Variants in GOLPH3L observed in about 807,000 individuals in gnomAD.
The protein encoded by GOLPH3L is Golgi phosphoprotein 3-like.
GOLPH3L carries 22 observed loss-of-function variants against 30.3 expected under a neutral mutation model. The observed-to-expected ratio is 0.73, with a 90% CI of 0.52 to 1.04. GOLPH3L has a LOEUF of 1.04. Among genes scored for constraint, GOLPH3L ranks in the 50% least tolerant of loss-of-function variants. The pLI, the probability that GOLPH3L is intolerant of heterozygous loss-of-function variation, is 0.00. For synonymous variants in GOLPH3L, 120 were observed against 128.2 expected (o/e 0.94, Z 0.43); for missense variants, 303 against 345.8 (o/e 0.88, Z 0.98).
intron 2 of GOLPH3L, among the ~76,000 whole-genome samples, chr1:150,683,146 A>G (rs967755702): frequency 6.6e-6 from 1 of 152,196 alleles, no homozygotes; most frequent in African/African-American, 2.4e-5. Flanking sequence ...TCATGCCTAT[A>G]GTCCCAGCAC....
chr1:150,656,749 C>T (rs1025067744), intron 4 of GOLPH3L, among the ~76,000 whole-genome samples: 17 of 152,140 alleles, frequency 1.1e-4, no homozygotes, highest in South Asian at 2.1e-4. Flanking sequence ...GTCCCTCTCA[C>T]GAAGGCACAA....
chr1:150,672,917 T>C (rs1287822550), intron 2 of GOLPH3L, among the ~76,000 whole-genome samples: 1 of 152,134 alleles, frequency 6.6e-6, no homozygotes, highest in Non-Finnish European at 1.5e-5. Context: ...TTGAATCCTT[T>C]CAGGTTTATT....
chr1:150,657,557 C>A (rs758248280), intron 4 of GOLPH3L, among the ~76,000 whole-genome samples: 1 of 152,250 alleles, frequency 6.6e-6, no homozygotes, highest in African/African-American at 2.4e-5. Flanking sequence ...CCTTTTCTCA[C>A]TTTGTCTGGG....
intron 2 of GOLPH3L, among the ~76,000 whole-genome samples, chr1:150,686,548 A>G (rs984380677): frequency 6.6e-6 from 1 of 152,210 alleles, no homozygotes; most frequent in African/African-American, 2.4e-5. Flanking sequence ...TATTGCCCAA[A>G]TGATCATTTA....
chr1:150,648,729 G>GA lies in GOLPH3L; in HGVS notation c.449dup (p.Lys151GlnfsTer26). ...CATTTCTCAGCTGGTACTGTAATTTGAAGGGGTTCCAGGTCTCACCTATGA... is the reference window on the plus strand; with the variant it reads ...CATTTCTCAGCTGGTACTGTAATTTGAAAGGGGTTCCAGGTCTCACCTATGA... On this transcript the variant is annotated frameshift_variant, in exon 5 of 5. Transcript: ENST00000271732. LOFTEE classifies it high-confidence loss of function. 1 of 1,610,376 alleles carries GA rather than the reference G, an allele frequency of 6.2e-7. No individual in the cohort carries two copies.
At chr1:150,651,669 A>G (rs1233048077) in intron 4 of GOLPH3L, among the ~76,000 whole-genome samples, 2 of 150,970 alleles carry the variant, frequency 1.3e-5, no homozygotes, top group East Asian at 1.9e-4. Context: ...AAAAAAGTAC[A>G]ACAAACAAAA....
intron 4 of GOLPH3L, among the ~76,000 whole-genome samples, chr1:150,658,798 A>C (rs957106155): frequency 6.6e-6 from 1 of 152,220 alleles, no homozygotes; most frequent in Non-Finnish European, 1.5e-5. Flanking sequence ...GTAGAGTGGC[A>C]CCTCAATCTC....
chr1:150,648,465 G>A lies in GOLPH3L; in HGVS notation c.714C>T (p.Val238=), dbSNP rs769316162. Residue 238 remains valine (V), a synonymous_variant, in exon 5 of 5, where the codon GTC becomes GTT. Coordinates refer to ENST00000271732, the MANE Select transcript of GOLPH3L (RefSeq NM_018178.6). The part of the protein sequence containing the change: ...LAHSSDVLEN[V]FSSLTDDKYD... ...ACTTGTCATCTGTCAGAGAGGAGAA[G>A]ACATTCTCTAGCACATCAGAGGAGT... is the stretch of plus-strand genomic sequence containing the variant. 2 of 1,614,062 alleles carry A rather than the reference G, an allele frequency of 1.2e-6. No homozygotes were observed. The highest frequency in any genetic ancestry group is 1.7e-6 in the Non-Finnish European group (2 of 1,179,896).
rs183291555 is a variant in GOLPH3L, at chr1:150,693,952, C to G, written c.183+704G>C. Among the ~76,000 whole-genome samples the G allele has an allele frequency of 3.1e-3, 453 of 144,522 alleles. 3 individuals are homozygous for G. Among genetic ancestry groups the G allele is most frequent in the African/African-American group, 0.011 (421 of 38,854 alleles). 94.8% of individuals were successfully genotyped at this position (144,522 alleles called of 152,430 possible). On this transcript the variant is annotated intron_variant, in intron 2 of 4. Transcript: ENST00000271732. Reference sequence around the variant, plus strand: ...TTGGCTCATTGCAACCTCCGCCTCCCAGGTTCAAGTGATTCTCCTGCCTCA... The same window carrying G: ...TTGGCTCATTGCAACCTCCGCCTCCGAGGTTCAAGTGATTCTCCTGCCTCA...
At chr1:150,688,037 T>TA (rs1320135230) in intron 2 of GOLPH3L, among the ~76,000 whole-genome samples, 12 of 152,094 alleles carry the variant, frequency 7.9e-5, no homozygotes, top group African/African-American at 2.9e-4. Context: ...CAGGCAAAAC[T>TA]AAAATATATT....
intron 2 of GOLPH3L, among the ~76,000 whole-genome samples, chr1:150,674,210 A>G (rs1314457364): frequency 6.6e-6 from 1 of 151,974 alleles, no homozygotes; most frequent in Non-Finnish European, 1.5e-5. Flanking sequence ...TTTGTTAATA[A>G]GAGCAAAATA....
chr1:150,656,382 C>T (rs918042635), intron 4 of GOLPH3L, among the ~76,000 whole-genome samples: 1 of 152,266 alleles, frequency 6.6e-6, no homozygotes, highest in East Asian at 1.9e-4. Context: ...CTGCTCTAGG[C>T]ATCCCTACCT....
chr1:150,678,039 C>T (rs1027165098), intron 2 of GOLPH3L, among the ~76,000 whole-genome samples: 3 of 151,308 alleles, frequency 2.0e-5, no homozygotes, highest in Non-Finnish European at 2.9e-5. Flanking sequence ...GTGGCTCATG[C>T]CTGTAATCCC....
intron 4 of GOLPH3L, 74 bp from the exon 5 acceptor site, chr1:150,648,822 C>T: frequency 1.2e-6 from 1 of 854,968 alleles, no homozygotes; most frequent in Non-Finnish European, 1.9e-6. Flanking sequence ...TGTTTGGAAA[C>T]TTGAATGGCT....
intron 4 of GOLPH3L, among the ~76,000 whole-genome samples, chr1:150,651,955 C>T (rs587697425): frequency 2.9e-4 from 44 of 152,236 alleles, no homozygotes; most frequent in Admixed American, 5.2e-4. Flanking sequence ...CTCAACCACA[C>T]ATTGGAGAAG....
In GOLPH3L at chr1:150,663,720, C is replaced by T. The variant is rs1286705408; in HGVS notation, c.227G>A (p.Arg76Gln). ...GGCCAGCTCTATCAGGATGCCCCCTCGCAGGCCTGATGATATGCAGTCATT... is the reference window on the plus strand; with the variant it reads ...GGCCAGCTCTATCAGGATGCCCCCTTGCAGGCCTGATGATATGCAGTCATT... Reference protein sequence around the residue: ...FWNDCISSGLRGGILIELAMR... With the variant: ...FWNDCISSGLQGGILIELAMR... The change falls in exon 3 of 5, where the codon CGA becomes CAA. Residue 76 changes from arginine to glutamine, a missense_variant. Coordinates refer to ENST00000271732, the MANE Select transcript of GOLPH3L (RefSeq NM_018178.6). The T allele has an allele frequency of 5.6e-6, 9 of 1,612,828 alleles. No homozygotes were observed. The highest frequency in any genetic ancestry group is 4.0e-5 in the African/African-American group (3 of 74,962).
At chr1:150,695,852 AC>A (rs143932354) in intron 1 of GOLPH3L, among the ~76,000 whole-genome samples, 6,251 of 152,216 alleles carry the variant, frequency 0.041, 425 homozygotes, top group African/African-American at 0.14. Flanking sequence ...GGAGCTGCAA[AC>A]AAAAATTACT....
chr1:150,673,168 T>C (rs914197826), intron 2 of GOLPH3L, among the ~76,000 whole-genome samples: 1 of 152,106 alleles, frequency 6.6e-6, no homozygotes, highest in Non-Finnish European at 1.5e-5. Flanking sequence ...ACCCTAAAAA[T>C]TTTTATTTTT....
intron 2 of GOLPH3L, among the ~76,000 whole-genome samples, chr1:150,693,793 A>ATGTGTGTGTGTGTG (rs1279332986): frequency 4.1e-5 from 3 of 72,420 alleles, no homozygotes; most frequent in East Asian, 3.9e-4. Flanking sequence ...TCAATTGTTT[A>ATGTGTGTGTGTGTG]TGTATGTGTG....
Sources: gnomAD v4.1 joint callset for allele counts (sites outside exome capture counted in the v4.1 genomes callset) on GRCh38, gnomAD v4.1.1 for gene constraint, MANE v1.5 for transcripts, NCBI Gene and HGNC (gene_info 2026-07-23, HGNC 2026-07-21) for gene names.